MBNL2: variants seen among roughly 807,000 people sequenced by gnomAD.
MBNL2 encodes muscleblind like splicing regulator 2.
MBNL2 carries 17 observed loss-of-function variants against 41.9 expected under a neutral mutation model. The ratio of observed to expected loss-of-function variants is 0.41; its 90% CI spans 0.28 to 0.61. The LOEUF (loss-of-function observed/expected upper bound fraction) is 0.61. Among genes scored for constraint, MBNL2 ranks in the 20% least tolerant of loss-of-function variants. MBNL2 has a pLI of 0.35. For missense variants in MBNL2, 336 were observed against 505.6 expected (o/e 0.66, Z 3.22); for synonymous variants, 195 against 182.9 (o/e 1.07, Z -0.53).
At chr13:97,168,385 G>T in the MBNL2 span, among the ~76,000 whole-genome samples, 3 of 152,080 alleles carry the variant, frequency 2.0e-5, no homozygotes, top group South Asian at 6.2e-4. Flanking sequence ...CTCCAAAACT[G>T]TCAATAAATG....
In MBNL2 at chr13:97,273,359, A is replaced by G. The variant is rs969551276; in HGVS notation, c.-604-2273A>G. Among the ~76,000 whole-genome samples the G allele has an allele frequency of 7.9e-5, 12 of 152,318 alleles. 1 individual carries two copies. The South Asian group carries it at 2.5e-3, about 32-fold the overall frequency. Reference sequence around the variant, plus strand: ...GGAGCTAGAGGTGCAGGTTGAGGTAATAAAGATACAAGTCCAGGCTGGTCT... The same window carrying G: ...GGAGCTAGAGGTGCAGGTTGAGGTAGTAAAGATACAAGTCCAGGCTGGTCT... On this transcript the variant is annotated intron_variant, in intron 1 of 8. Coordinates refer to ENST00000679496, the MANE Select transcript of MBNL2 (RefSeq NM_001382683.1).
chr13:97,230,728 G>T (rs1026061184), intron 1 of MBNL2, among the ~76,000 whole-genome samples: 2 of 152,180 alleles, frequency 1.3e-5, no homozygotes, highest in African/African-American at 4.8e-5. Context: ...TAATCTCCAG[G>T]ATTCCATAAG....
chr13:97,212,767 T>C, the MBNL2 span, among the ~76,000 whole-genome samples: 120,429 of 152,186 alleles, frequency 0.79, 47,842 homozygotes, highest in African/African-American at 0.84. Context: ...GATGTCTCTC[T>C]TTGTCGTCAA....
chr13:97,357,769 T>C (rs546147960), intron 7 of MBNL2, 134 bp downstream of exon 7: 134 of 863,672 alleles, frequency 1.6e-4, no homozygotes, highest in East Asian at 6.1e-4. Context: ...TTGTCCTAGC[T>C]ATCTAAATGT....
chr13:97,361,505 G>A (rs2063388741), intron 7 of MBNL2, among the ~76,000 whole-genome samples: 1 of 152,104 alleles, frequency 6.6e-6, no homozygotes, highest in South Asian at 2.1e-4. Context: ...CATAAGTTAT[G>A]CATTTCCAAT....
chr13:97,233,633 C>T (rs1382496389), intron 1 of MBNL2, among the ~76,000 whole-genome samples: 1 of 151,750 alleles, frequency 6.6e-6, no homozygotes, highest in Non-Finnish European at 1.5e-5. Context: ...AAAGACCATC[C>T]CCTCAGGAAA....
chr13:97,346,080 ATGGATGGC>A lies in MBNL2; in HGVS notation c.541-716_541-709del, dbSNP rs2061823560. ...TAGATAGATCAGTAGATGATAGATGATGGATGGCTGGATGGATAGATGATAGATGGATG... is the reference window on the plus strand; with the variant it reads ...TAGATAGATCAGTAGATGATAGATGATGGATGGATAGATGATAGATGGATG... On this transcript the variant is annotated intron_variant, in intron 4 of 8. Transcript: ENST00000679496. The surrounding 1 kb of genome is among the most constrained non-coding windows in gnomAD (Gnocchi z 4.2). Among the ~76,000 whole-genome samples, 1 of 152,188 alleles carries A rather than the reference ATGGATGGC, an allele frequency of 6.6e-6. No homozygotes were observed. The highest frequency in any genetic ancestry group is 2.4e-5 in the African/African-American group (1 of 41,442).
chr13:97,355,448 C>T (rs1486194047), intron 5 of MBNL2, among the ~76,000 whole-genome samples: 1 of 152,078 alleles, frequency 6.6e-6, no homozygotes, highest in Non-Finnish European at 1.5e-5. Flanking sequence ...TGACAAAGTT[C>T]TATTTCAGAA....
rs2060744566 is a variant in MBNL2 at position 97,334,879 on chromosome 13, T to C, written c.339+439T>C. The stretch of plus-strand genomic sequence containing the variant: ...AGAGAAGTTCAATGATTTTCCGCAA[T>C]GTCATGCAGCTAATAAATCTTGGAG... On this transcript the variant is annotated intron_variant, in intron 3 of 8. Coordinates refer to ENST00000679496, the MANE Select transcript of MBNL2 (RefSeq NM_001382683.1). The surrounding 1 kb of genome is among the most constrained non-coding windows in gnomAD (Gnocchi z 5.3). Among the ~76,000 whole-genome samples the C allele has an allele frequency of 6.6e-6, 1 of 152,244 alleles. No homozygotes were observed. Among genetic ancestry groups the C allele is most frequent in the South Asian group, 2.1e-4 (1 of 4,832 alleles).
At chr13:97,352,990 A>G (rs1239317037) in intron 5 of MBNL2, among the ~76,000 whole-genome samples, 1 of 152,314 alleles carries the variant, frequency 6.6e-6, no homozygotes, top group Non-Finnish European at 1.5e-5. Flanking sequence ...ATTTACACAA[A>G]CAGGTCATTT....
chr13:97,217,040 CAT>C (rs979611522), upstream of MBNL2, among the ~76,000 whole-genome samples: 3 of 146,876 alleles, frequency 2.0e-5, no homozygotes, highest in African/African-American at 7.5e-5. Flanking sequence ...ATAATATACA[CAT>C]AATATGTAAT....
At chr13:97,170,824 C>T in the MBNL2 span, among the ~76,000 whole-genome samples, 1 of 152,204 alleles carries the variant, frequency 6.6e-6, no homozygotes, top group African/African-American at 2.4e-5. Flanking sequence ...AGGCTCCTCT[C>T]CTCTCCCTAG....
chr13:97,320,214 T>C (rs2059386983), intron 2 of MBNL2, among the ~76,000 whole-genome samples: 1 of 151,414 alleles, frequency 6.6e-6, no homozygotes, highest in Non-Finnish European at 1.5e-5. Context: ...AGGTCCAAAA[T>C]CCAAGGGTCA....
the MBNL2 span, among the ~76,000 whole-genome samples, chr13:97,188,827 C>G: frequency 1.3e-5 from 2 of 152,184 alleles, no homozygotes; most frequent in African/African-American, 4.8e-5. Flanking sequence ...CCGTTGTCCA[C>G]TTCCCCCAAC....
intron 2 of MBNL2, among the ~76,000 whole-genome samples, chr13:97,297,218 T>C (rs535648469): frequency 6.6e-6 from 1 of 152,330 alleles, no homozygotes; most frequent in East Asian, 1.9e-4. Context: ...ATTGAGGGCC[T>C]AACATACATG....
chr13:97,240,973 A>G (rs2152809514), intron 1 of MBNL2, among the ~76,000 whole-genome samples: 1 of 152,314 alleles, frequency 6.6e-6, no homozygotes, highest in African/African-American at 2.4e-5. Context: ...TCCTGAGCTT[A>G]AAACTTTTGG....
chr13:97,328,346 C>T (rs1305452267), intron 2 of MBNL2, among the ~76,000 whole-genome samples: 1 of 152,114 alleles, frequency 6.6e-6, no homozygotes, highest in African/African-American at 2.4e-5. Context: ...CATGATTTTC[C>T]CTGGCCAGCT....
At chr13:97,305,410 G>A (rs1471856622) in intron 2 of MBNL2, among the ~76,000 whole-genome samples, 4 of 152,128 alleles carry the variant, frequency 2.6e-5, no homozygotes, top group African/African-American at 9.7e-5. Flanking sequence ...CCAATACTCA[G>A]CCAATATTAG....
intron 2 of MBNL2, among the ~76,000 whole-genome samples, chr13:97,323,565 T>G (rs1003647713): frequency 1.3e-5 from 2 of 152,198 alleles, no homozygotes; most frequent in African/African-American, 2.4e-5. Context: ...AAGATGTGTA[T>G]AGGTTATATG....
Sources: allele counts gnomAD v4.1 joint callset (sites outside exome capture counted in the v4.1 genomes callset), GRCh38; gene constraint gnomAD v4.1.1; non-coding constraint Gnocchi (gnomAD v3.1); transcripts MANE v1.5; gene names NCBI Gene and HGNC (gene_info 2026-07-23, HGNC 2026-07-21).